The following BDP1 variants were observed in gnomAD, a reference collection of about 807,000 sequenced individuals.
BDP1 encodes the protein BDP1 general transcription factor IIIB subunit.
In BDP1, 169 loss-of-function variants were observed where a neutral mutation model predicts 266.6. That is an observed-to-expected ratio of 0.63 (90% CI 0.56 to 0.72). The LOEUF (loss-of-function observed/expected upper bound fraction) is 0.72. BDP1 is among the 30% of genes least tolerant of loss of function. The pLI, the probability that BDP1 is intolerant of heterozygous loss-of-function variation, is 0.00. For synonymous variants in BDP1, 1,090 were observed against 1,022.4 expected (o/e 1.07, Z -1.26); for missense variants, 3,015 against 3,053.8 (o/e 0.99, Z 0.30).
At chr5:71,552,698 CAATCGCAGGCA>C (rs1742930718) in intron 34 of BDP1, among the ~76,000 whole-genome samples, 1 of 152,264 alleles carries the variant, frequency 6.6e-6, no homozygotes, top group Non-Finnish European at 1.5e-5. Flanking sequence ...CGCGCGCCTG[CAATCGCAGGCA>C]CTCGGCAGGC....
intron 24 of BDP1, among the ~76,000 whole-genome samples, chr5:71,523,440 A>C (rs917168848): frequency 2.1e-4 from 32 of 151,950 alleles, no homozygotes; most frequent in African/African-American, 7.0e-4. Flanking sequence ...CATCCTCCCG[A>C]GTAGCTGGGA....
At chr5:71,462,453 G>A (rs1288870032) in intron 3 of BDP1, among the ~76,000 whole-genome samples, 2 of 152,096 alleles carry the variant, frequency 1.3e-5, no homozygotes, top group African/African-American at 4.8e-5. Flanking sequence ...TTATTTCTGA[G>A]ATTAAAAATA....
At chr5:71,534,821 C>T (rs930215674) in intron 26 of BDP1, among the ~76,000 whole-genome samples, 2 of 151,966 alleles carry the variant, frequency 1.3e-5, no homozygotes, top group Admixed American at 6.6e-5. Flanking sequence ...TTGTATTTTT[C>T]GTAGACACGG....
At chr5:71,571,867 C>T (rs1205149124), downstream of BDP1, among the ~76,000 whole-genome samples, 1 of 152,182 alleles carries the variant, frequency 6.6e-6, no homozygotes, top group Non-Finnish European at 1.5e-5. Flanking sequence ...GCAGGTCCAC[C>T]TGCCTCACCC....
chr5:71,486,300 AC>A (rs770538372), intron 8 of BDP1, among the ~76,000 whole-genome samples, 183 bp from the exon 9 acceptor site: 1 of 151,142 alleles, frequency 6.6e-6, no homozygotes, highest in South Asian at 2.1e-4. Flanking sequence ...TCTGATGTGA[AC>A]TAATCTATTT....
Position 71,455,875 on chromosome 5 carries a change from G to T in BDP1, c.-3G>T. On this transcript the variant is annotated 5_prime_UTR_variant, in exon 1 of 39. Coordinates refer to ENST00000358731, the MANE Select transcript of BDP1 (RefSeq NM_018429.3). Reference sequence around the variant, plus strand: ...CTGCCTCCCCGGGCCCCCTGCCTCCGCCATGTTCCGCAGGGCACGCCTTAG... The same window carrying T: ...CTGCCTCCCCGGGCCCCCTGCCTCCTCCATGTTCCGCAGGGCACGCCTTAG... 3.2e-6 allele frequency: 5 copies of T among 1,573,762 alleles called. No individual in the cohort carries two copies. The highest frequency in any genetic ancestry group is 4.3e-6 in the Non-Finnish European group (5 of 1,159,916).
intron 6 of BDP1, among the ~76,000 whole-genome samples, chr5:71,468,607 C>CTTTTTTTTTTTTTT (rs11376926): frequency 7.4e-6 from 1 of 134,814 alleles, no homozygotes; most frequent in Non-Finnish European, 1.5e-5. Context: ...ACAATATTTC[C>CTTTTTTTTTTTTTT]TTTTTTTTTT....
chr5:71,514,391 TGA>T (rs1471088273), intron 19 of BDP1, among the ~76,000 whole-genome samples: 2 of 152,194 alleles, frequency 1.3e-5, no homozygotes, highest in African/African-American at 2.4e-5. Flanking sequence ...TTCTAAAAAG[TGA>T]GAGTCTTTTA....
chr5:71,562,873 A>T, intron 38 of BDP1: 1 of 1,292,582 alleles, frequency 7.7e-7, no homozygotes, highest in East Asian at 5.5e-5. Flanking sequence ...TTTCATTTCT[A>T]TGTCTCCTGA....
downstream of BDP1, among the ~76,000 whole-genome samples, chr5:71,571,535 G>C (rs114577083): frequency 3.3e-5 from 5 of 152,180 alleles, no homozygotes; most frequent in Admixed American, 3.3e-4. Flanking sequence ...ATGGCTTCCT[G>C]TACATGGCTT....
intron 7 of BDP1, among the ~76,000 whole-genome samples, chr5:71,478,364 A>G (rs1042715462): frequency 3.3e-5 from 5 of 152,224 alleles, no homozygotes; most frequent in Non-Finnish European, 5.9e-5. Context: ...AGTTTTTAGC[A>G]TTTAACTATT....
At chr5:71,523,785 T>C (rs1765630160) in intron 24 of BDP1, among the ~76,000 whole-genome samples, 154 bp from the exon 25 acceptor site, 1 of 152,232 alleles carries the variant, frequency 6.6e-6, no homozygotes, top group East Asian at 1.9e-4. Flanking sequence ...AGTTAATTCC[T>C]TTTTTATTTT....
intron 13 of BDP1, among the ~76,000 whole-genome samples, chr5:71,499,808 A>G (rs1199157444): frequency 2.0e-5 from 3 of 152,184 alleles, no homozygotes; most frequent in African/African-American, 7.2e-5. Context: ...TGTACATTAG[A>G]AGCAAACAAT....
At chr5:71,568,620 C>T (rs908401759), downstream of BDP1, among the ~76,000 whole-genome samples, 2 of 152,154 alleles carry the variant, frequency 1.3e-5, no homozygotes, top group African/African-American at 4.8e-5. Flanking sequence ...TTGTTTCTTC[C>T]CTTCAAAAAT....
intron 11 of BDP1, among the ~76,000 whole-genome samples, chr5:71,492,952 T>C (rs566422007): frequency 6.6e-6 from 1 of 152,352 alleles, no homozygotes; most frequent in South Asian, 2.1e-4. Context: ...TATGCAGTAA[T>C]TCCTCATTCT....
At chr5:71,534,951 T>TTCTTAATTTCATTTTTGGATTGTTC (rs2150545646) in intron 26 of BDP1, among the ~76,000 whole-genome samples, 1 of 151,834 alleles carries the variant, frequency 6.6e-6, no homozygotes, top group East Asian at 2.0e-4. Flanking sequence ...TGGGATTGTT[T>TTCTTAATTTCATTTTTGGATTGTTC]TCTTAATTTC....
chr5:71,508,615 T>C (rs1488833458), intron 16 of BDP1, among the ~76,000 whole-genome samples: 3 of 152,166 alleles, frequency 2.0e-5, no homozygotes, highest in Non-Finnish European at 2.9e-5. Flanking sequence ...GTTGAATGTA[T>C]AGTTATATAC....
At chr5:71,470,793 T>C (rs1762194547) in intron 7 of BDP1, among the ~76,000 whole-genome samples, 1 of 151,978 alleles carries the variant, frequency 6.6e-6, no homozygotes, top group East Asian at 1.9e-4. Context: ...TTTTACCATG[T>C]TGCCCAGGCT....
At chr5:71,479,431 A>G (rs185073622) in intron 7 of BDP1, among the ~76,000 whole-genome samples, 2 of 152,274 alleles carry the variant, frequency 1.3e-5, no homozygotes, top group East Asian at 3.9e-4. Context: ...AAACATCTCT[A>G]TAATGAATGG....
Sources: allele counts gnomAD v4.1 joint callset (sites outside exome capture counted in the v4.1 genomes callset), GRCh38; gene constraint gnomAD v4.1.1; transcripts MANE v1.5; gene names NCBI Gene and HGNC (gene_info 2026-07-23, HGNC 2026-07-21).